AKR1C3: variants seen among roughly 807,000 people sequenced by gnomAD.
AKR1C3 encodes the protein aldo-keto reductase family 1 member C3, also known as 3-alpha hydroxysteroid dehydrogenase, type II.
Under a neutral mutation model 43.6 loss-of-function variants are expected in AKR1C3, and 48 were observed. The observed-to-expected ratio is 1.10, with a 90% CI of 0.87 to 1.40. The LOEUF is 1.40. Ranked by LOEUF, AKR1C3 falls within the 40% of genes most tolerant of loss-of-function variation. AKR1C3 has a pLI of 0.00. For synonymous variants in AKR1C3, 162 were observed against 139.6 expected, an observed-to-expected ratio of 1.16 and a Z score of -1.13; for missense variants, 482 against 391.2, an observed-to-expected ratio of 1.23 and a Z score of -1.96.
chr10:5,062,468 T>G (rs1385719377), intron 1 of AKR1C3, among the ~76,000 whole-genome samples: 3 of 152,116 alleles, frequency 2.0e-5, no homozygotes, highest in African/African-American at 7.2e-5. Flanking sequence ...CCCTCCAAAC[T>G]CCAGGACAGA....
intron 1 of AKR1C3, among the ~76,000 whole-genome samples, chr10:5,065,812 A>T (rs1256356590): frequency 6.6e-6 from 1 of 152,012 alleles, no homozygotes; most frequent in Non-Finnish European, 1.5e-5. Context: ...CTGCCTCCAG[A>T]CATTATTTTC....
At chr10:5,050,350 AAAG>A (rs1224357655) in intron 1 of AKR1C3, among the ~76,000 whole-genome samples, 4 of 149,390 alleles carry the variant, frequency 2.7e-5, no homozygotes, top group East Asian at 2.0e-4. Flanking sequence ...TTTTAAAATC[AAAG>A]AAGGAGTGTG....
At chr10:5,061,539 G>C (rs1554780253) in intron 1 of AKR1C3, among the ~76,000 whole-genome samples, 3 of 152,166 alleles carry the variant, frequency 2.0e-5, no homozygotes, top group African/African-American at 7.2e-5. Context: ...GGAGGGGGTT[G>C]AGTACATGTA....
rs191540349 is a variant in AKR1C3, at chr10:5,056,863, G to C, written c.84+7968G>C. Among the ~76,000 whole-genome samples the C allele has an allele frequency of 2.0e-5, 3 of 152,310 alleles. No homozygotes were observed. In the East Asian group the frequency reaches 5.8e-4, roughly 29 times the overall value. ...CCCAATTACAACTGAGGAGGTGAGA[G>C]AAATACCTGGTGCCAGGCTGTCCCA... On this transcript the variant is annotated intron_variant, in intron 1 of 8. Transcript: ENST00000439082.
At chr10:5,068,759 C>G (rs562890170) in intron 1 of AKR1C3, among the ~76,000 whole-genome samples, 61 of 152,302 alleles carry the variant, frequency 4.0e-4, no homozygotes, top group African/African-American at 1.4e-3. Flanking sequence ...GAGGCAAGAG[C>G]ACAGGGAATG....
At position 5,100,437 on chromosome 10, in the gene AKR1C3, C is replaced by CCAAT. The variant is rs552740441; in HGVS notation, c.570+991_570+994dup. Among the ~76,000 whole-genome samples the CCAAT allele has an allele frequency of 1.5e-4, 23 of 152,306 alleles. 1 individual carries two copies. The South Asian group carries it at 4.6e-3, about 30-fold the overall frequency. ...GCTACTTCTCTTTGGGGTCTGTCAT[C>CCAAT]CAATCAGTTGTTTAAACACATCTAT... On this transcript the variant is annotated intron_variant, in intron 5 of 8. Transcript: ENST00000380554.
At chr10:5,059,872 C>T (rs1448794393) in intron 1 of AKR1C3, among the ~76,000 whole-genome samples, 4 of 152,164 alleles carry the variant, frequency 2.6e-5, no homozygotes, top group African/African-American at 9.7e-5. Flanking sequence ...TTCTTGGTCT[C>T]ACTGACTTCA....
chr10:5,087,486 C>A (rs1554783369), intron 1 of AKR1C3, among the ~76,000 whole-genome samples: 5 of 151,556 alleles, frequency 3.3e-5, no homozygotes. Context: ...GATTCTTCTG[C>A]CTCAGCCTTC....
At chr10:5,096,706 CACAT>C (rs2131838907) in intron 2 of AKR1C3, 129 bp downstream of exon 2, 1 of 1,416,146 alleles carries the variant, frequency 7.1e-7, no homozygotes, top group Non-Finnish European at 9.4e-7. Context: ...CACACATACT[CACAT>C]ACTAAAACTG....
upstream of AKR1C3, among the ~76,000 whole-genome samples, chr10:5,089,796 A>G (rs1175958719): frequency 2.6e-5 from 4 of 152,184 alleles, no homozygotes; most frequent in Admixed American, 1.3e-4. Context: ...ACAGTACCAC[A>G]ACATTCAGAT....
intron 7 of AKR1C3, among the ~76,000 whole-genome samples, chr10:5,102,959 G>GCAAAAAAAAAAAAACCAAAACC (rs1839397110): frequency 8.4e-6 from 1 of 119,678 alleles, no homozygotes; most frequent in South Asian, 2.6e-4. Flanking sequence ...TTTTTTTTTT[G>GCAAAAAAAAAAAAACCAAAACC]AGACAGAGTC....
intron 1 of AKR1C3, among the ~76,000 whole-genome samples, chr10:5,071,508 C>A (rs1319876285): frequency 1.3e-5 from 2 of 152,148 alleles, no homozygotes; most frequent in African/African-American, 4.8e-5. Context: ...CACACAGTGG[C>A]ACGGATTCTC....
At chr10:5,093,802 G>A (rs1839146987), upstream of AKR1C3, 3 of 151,986 alleles carry the variant, frequency 2.0e-5, no homozygotes, top group Admixed American at 2.0e-4. Flanking sequence ...ACCCTCATCA[G>A]GATTACAGCT....
In AKR1C3 at chr10:5,064,464, A is replaced by T. The variant is rs566840860; in HGVS notation, c.84+15569A>T. 2.0e-3 allele frequency among the ~76,000 whole-genome samples: 299 copies of T among 152,334 alleles called. 2 individuals carry two copies. Among genetic ancestry groups the T allele is most frequent in the African/African-American group, 6.3e-3 (263 of 41,572 alleles). ...ATCCCAGGAAATACCATTCTGAAAT[A>T]GGCCCTGGCAAAGATTTCATGATGA... On this transcript the variant is annotated intron_variant, in intron 1 of 8. Transcript: ENST00000439082.
intron 1 of AKR1C3, among the ~76,000 whole-genome samples, chr10:5,077,229 C>G (rs1211620242): frequency 1.3e-5 from 2 of 152,122 alleles, no homozygotes; most frequent in East Asian, 3.9e-4. Context: ...CAAAGGGGCC[C>G]TGTATCCCCA....
chr10:5,064,831 C>T (rs1367151010), intron 1 of AKR1C3, among the ~76,000 whole-genome samples: 2 of 150,388 alleles, frequency 1.3e-5, no homozygotes, highest in East Asian at 1.9e-4. Context: ...AATGAGATAC[C>T]ATCTCATACC....
intron 1 of AKR1C3, among the ~76,000 whole-genome samples, chr10:5,082,837 AT>A (rs202158161): frequency 2.6e-5 from 4 of 152,200 alleles, no homozygotes; most frequent in African/African-American, 9.6e-5. Context: ...ATGTCTCCAC[AT>A]TTTTTTAAAA....
intron 1 of AKR1C3, among the ~76,000 whole-genome samples, chr10:5,084,936 A>C (rs1212078996): frequency 6.6e-6 from 1 of 152,300 alleles, no homozygotes; most frequent in South Asian, 2.1e-4. Context: ...TTGTATCCTG[A>C]GACTTTGCTG....
At chr10:5,096,329 T>G in intron 1 of AKR1C3, 81 bp from the exon 2 acceptor site, 1 of 1,504,606 alleles carries the variant, frequency 6.6e-7, no homozygotes, top group Non-Finnish European at 9.0e-7. Context: ...AAGCTGATTC[T>G]TGTATAAAAG....
Sources: allele counts gnomAD v4.1 joint callset (sites outside exome capture counted in the v4.1 genomes callset), GRCh38; gene constraint gnomAD v4.1.1; transcripts MANE v1.5; gene names NCBI Gene and HGNC (gene_info 2026-07-23, HGNC 2026-07-21).